The following SPIRE1 variants were observed in gnomAD, a reference collection of about 807,000 sequenced individuals.
The protein encoded by SPIRE1 is protein spire homolog 1.
Under a neutral mutation model 94.1 loss-of-function variants are expected in SPIRE1, and 40 were observed. The observed-to-expected ratio is 0.43, with a 90% CI of 0.33 to 0.55. SPIRE1 has a LOEUF of 0.55. Ranked by LOEUF, SPIRE1 falls within the 20% of genes least tolerant of loss-of-function variation. The probability of loss-of-function intolerance (pLI) is 0.06; values close to 1 mark genes in which losing one functional copy is unlikely to be tolerated. For synonymous variants in SPIRE1, 376 were observed against 371.7 expected (o/e 1.01, Z -0.13); for missense variants, 838 against 975.2 (o/e 0.86, Z 1.87).
chr18:12,524,477 G>A (rs2034444902), intron 4 of SPIRE1, among the ~76,000 whole-genome samples: 2 of 152,060 alleles, frequency 1.3e-5, no homozygotes, highest in African/African-American at 2.4e-5. Flanking sequence ...TTATACTGAT[G>A]GGGGGAAAAA....
At chr18:12,516,601 T>C (rs1487608638) in intron 4 of SPIRE1, among the ~76,000 whole-genome samples, 1 of 152,224 alleles carries the variant, frequency 6.6e-6, no homozygotes, top group African/African-American at 2.4e-5. Flanking sequence ...ACTCTGCCCA[T>C]GCTTATTTGA....
At chr18:12,634,647 T>C in intron 2 of SPIRE1, among the ~76,000 whole-genome samples, 1 of 152,012 alleles carries the variant, frequency 6.6e-6, no homozygotes, top group East Asian at 1.9e-4. Flanking sequence ...CAAAACATCT[T>C]ATCAGGGCCA....
At chr18:12,653,168 C>T (rs1159846458) in intron 1 of SPIRE1, 2 of 152,198 alleles carry the variant, frequency 1.3e-5, no homozygotes, top group African/African-American at 4.8e-5. Flanking sequence ...TACTGGCATC[C>T]AGTGTTAGAG....
intron 12 of SPIRE1, among the ~76,000 whole-genome samples, chr18:12,461,981 A>T (rs1674793395): frequency 2.6e-5 from 4 of 152,310 alleles, no homozygotes; most frequent in Middle Eastern, 3.4e-3. Context: ...TTTTGGTAAA[A>T]GCAATAACTT....
chr18:12,652,942 A>G (rs536550348), intron 1 of SPIRE1: 1 of 152,360 alleles, frequency 6.6e-6, no homozygotes, highest in African/African-American at 2.4e-5. Context: ...GGCAAGAACC[A>G]GTACGACTCA....
chr18:12,645,073 T>C (rs2038187653), intron 1 of SPIRE1, among the ~76,000 whole-genome samples: 1 of 149,552 alleles, frequency 6.7e-6, no homozygotes, highest in African/African-American at 2.5e-5. Context: ...TGGCAAAACC[T>C]GGTCTCCACA....
intron 2 of SPIRE1, among the ~76,000 whole-genome samples, chr18:12,570,863 C>T (rs2035944777): frequency 6.6e-6 from 1 of 152,134 alleles, no homozygotes. Flanking sequence ...CACATAAATA[C>T]AACCAGTTCA....
intron 3 of SPIRE1, among the ~76,000 whole-genome samples, chr18:12,538,537 T>A (rs919351391): frequency 6.6e-5 from 10 of 152,210 alleles, no homozygotes; most frequent in African/African-American, 2.4e-4. Flanking sequence ...TTGTCTAGTC[T>A]AATGGCTTTA....
intron 16 of SPIRE1, among the ~76,000 whole-genome samples, chr18:12,450,192 T>TG (rs1025367606): frequency 4.1e-5 from 5 of 122,104 alleles, no homozygotes; most frequent in Admixed American, 2.5e-4. Flanking sequence ...CAGTCTCTAC[T>TG]AAAAAAAAAA....
chr18:12,634,662 C>T (rs111390926), intron 2 of SPIRE1, among the ~76,000 whole-genome samples: 2,144 of 152,146 alleles, frequency 0.014, 60 homozygotes, highest in African/African-American at 0.049. Flanking sequence ...GGGCCAGGTG[C>T]GGTGACTCAT....
At chr18:12,660,968 G>C (rs1380440717), upstream of SPIRE1, among the ~76,000 whole-genome samples, 1 of 152,036 alleles carries the variant, frequency 6.6e-6, no homozygotes, top group Non-Finnish European at 1.5e-5. Context: ...TTTGTATAAA[G>C]ACTATAACTT....
At chr18:12,500,155 T>G (rs2033605870) in intron 6 of SPIRE1, among the ~76,000 whole-genome samples, 1 of 152,130 alleles carries the variant, frequency 6.6e-6, no homozygotes, top group African/African-American at 2.4e-5. Flanking sequence ...GGGGTCAGGG[T>G]TGAAAAGTTA....
At chr18:12,535,382 C>A in intron 4 of SPIRE1, 94 bp downstream of exon 4, 2 of 1,311,284 alleles carry the variant, frequency 1.5e-6, no homozygotes, top group Admixed American at 1.9e-5. Context: ...AACAATACAG[C>A]GGACAATATT....
chr18:12,615,599 G>T (rs1165583609), intron 2 of SPIRE1, among the ~76,000 whole-genome samples: 2 of 143,374 alleles, frequency 1.4e-5, no homozygotes, highest in African/African-American at 2.5e-5. Context: ...AAGAAATTTG[G>T]TATATTTAAA....
intron 2 of SPIRE1, among the ~76,000 whole-genome samples, chr18:12,550,572 G>A (rs1349551459): frequency 1.3e-5 from 2 of 151,994 alleles, no homozygotes; most frequent in Non-Finnish European, 2.9e-5. Context: ...ATGTTGCGCA[G>A]GCTAGTTTTG....
At chr18:12,631,571 A>AAAC (rs2037781061) in intron 2 of SPIRE1, among the ~76,000 whole-genome samples, 3 of 149,380 alleles carry the variant, frequency 2.0e-5, no homozygotes, top group Middle Eastern at 3.2e-3. Flanking sequence ...AAAAAAAAAA[A>AAAC]AAAACATAAA....
At chr18:12,498,735 C>T (rs1042887175) in intron 6 of SPIRE1, among the ~76,000 whole-genome samples, 1 of 152,134 alleles carries the variant, frequency 6.6e-6, no homozygotes, top group Admixed American at 6.6e-5. Context: ...CAAGCGATCC[C>T]TCCACCTCAG....
chr18:12,650,278 G>A (rs1488775135), intron 1 of SPIRE1, among the ~76,000 whole-genome samples: 1 of 151,928 alleles, frequency 6.6e-6, no homozygotes, highest in Non-Finnish European at 1.5e-5. Context: ...GTGACAGCAG[G>A]CCAGGCATGG....
intron 2 of SPIRE1, among the ~76,000 whole-genome samples, chr18:12,634,465 A>G (rs1206435893): frequency 2.0e-5 from 3 of 151,994 alleles, no homozygotes; most frequent in Non-Finnish European, 2.9e-5. Flanking sequence ...TGAAATTACT[A>G]AGAGCTCTGG....
Sources: gnomAD v4.1 joint callset for allele counts (sites outside exome capture counted in the v4.1 genomes callset) on GRCh38, gnomAD v4.1.1 for gene constraint, MANE v1.5 for transcripts, NCBI Gene and HGNC (gene_info 2026-07-23, HGNC 2026-07-21) for gene names.